Variants in EXOC6B observed in about 807,000 individuals in gnomAD.
The protein encoded by EXOC6B is SEC15 homolog B.
A neutral mutation model predicts 113.5 loss-of-function variants in EXOC6B; 54 were observed. That is an observed-to-expected ratio of 0.48 (90% confidence interval 0.38 to 0.60). The LOEUF is 0.60. EXOC6B is among the 20% of genes least tolerant of loss of function. The pLI is 0.00. For missense variants in EXOC6B, 797 were observed against 977.5 expected (o/e 0.82, Z 2.46); for synonymous variants, 357 against 339.0 (o/e 1.05, Z -0.58).
intron 6 of EXOC6B, among the ~76,000 whole-genome samples, chr2:72,683,570 AAC>A (rs1170972990): frequency 2.0e-5 from 3 of 152,232 alleles, no homozygotes; most frequent in Non-Finnish European, 4.4e-5. Context: ...ACAAAATGTT[AAC>A]AGTGGCAATC....
chr2:72,480,528 C>A, intron 17 of EXOC6B, 88 bp downstream of exon 17: 2 of 1,192,836 alleles, frequency 1.7e-6, no homozygotes, highest in South Asian at 2.1e-5. Flanking sequence ...TGTTATAAAC[C>A]ATCTTACAGA....
At chr2:72,312,757 A>G (rs971790458) in intron 20 of EXOC6B, among the ~76,000 whole-genome samples, 1 of 150,986 alleles carries the variant, frequency 6.6e-6, no homozygotes, top group Non-Finnish European at 1.5e-5. Context: ...CTTTGTCTCA[A>G]AAAACAACAA....
chr2:72,288,961 A>G, intron 20 of EXOC6B: 1 of 235,782 alleles, frequency 4.2e-6, no homozygotes, highest in East Asian at 1.1e-4. Flanking sequence ...TATCAGCCCC[A>G]GATTTGCTGT....
At chr2:72,374,987 C>T (rs1479387406) in intron 19 of EXOC6B, among the ~76,000 whole-genome samples, 1 of 151,538 alleles carries the variant, frequency 6.6e-6, no homozygotes, top group Non-Finnish European at 1.5e-5. Flanking sequence ...TATACTTATG[C>T]AAACACAAGG....
At chr2:72,780,823 C>T (rs1683990332) in intron 1 of EXOC6B, among the ~76,000 whole-genome samples, 1 of 152,108 alleles carries the variant, frequency 6.6e-6, no homozygotes, top group Admixed American at 6.6e-5. Flanking sequence ...GGTATTTCCT[C>T]CCCGTGTAAT....
chr2:72,502,757 CTTTTA>C (rs1171566858), intron 11 of EXOC6B, among the ~76,000 whole-genome samples: 2 of 152,110 alleles, frequency 1.3e-5, no homozygotes, highest in South Asian at 2.1e-4. Flanking sequence ...ATTTCCCCTT[CTTTTA>C]TTTTATTACT....
chr2:72,503,268 T>C (rs993224502), intron 11 of EXOC6B, among the ~76,000 whole-genome samples: 1 of 152,200 alleles, frequency 6.6e-6, no homozygotes, highest in African/African-American at 2.4e-5. Context: ...TTAACATACA[T>C]AAATTGATAT....
chr2:72,800,490 C>T (rs1035567141), intron 1 of EXOC6B, among the ~76,000 whole-genome samples: 2 of 152,056 alleles, frequency 1.3e-5, no homozygotes, highest in Admixed American at 6.5e-5. Context: ...AAAAATGTTT[C>T]TTTTTATACT....
chr2:72,405,856 T>C (rs528888514), intron 18 of EXOC6B, among the ~76,000 whole-genome samples: 86 of 152,238 alleles, frequency 5.6e-4, no homozygotes, highest in African/African-American at 2.0e-3. Context: ...ATAACAATAT[T>C]AACCTTAAAT....
chr2:72,462,422 A>G (rs2105405631), intron 18 of EXOC6B: 1 of 152,250 alleles, frequency 6.6e-6, no homozygotes, highest in East Asian at 1.9e-4. Flanking sequence ...GAGCCTTGCC[A>G]AAATTCATAT....
At chr2:72,254,274 T>C (rs962605463) in intron 20 of EXOC6B, among the ~76,000 whole-genome samples, 1 of 152,166 alleles carries the variant, frequency 6.6e-6, no homozygotes, top group Non-Finnish European at 1.5e-5. Context: ...CTGAACCCAA[T>C]GATGGGTATC....
chr2:72,595,399 G>A (rs909970506), intron 6 of EXOC6B, among the ~76,000 whole-genome samples: 1 of 148,892 alleles, frequency 6.7e-6, no homozygotes, highest in African/African-American at 2.4e-5. Context: ...AAAAATAATT[G>A]TATTAAAATA....
chr2:72,460,632 G>C (rs1697570896), intron 18 of EXOC6B, among the ~76,000 whole-genome samples: 2 of 152,202 alleles, frequency 1.3e-5, no homozygotes, highest in South Asian at 4.1e-4. Flanking sequence ...GGTCATCAAA[G>C]AAATGCAAAT....
intron 5 of EXOC6B, among the ~76,000 whole-genome samples, chr2:72,727,454 A>C (rs1329260991): frequency 6.6e-6 from 1 of 152,204 alleles, no homozygotes; most frequent in African/African-American, 2.4e-5. Context: ...AAAAGACTAA[A>C]GAGACATGAC....
intron 17 of EXOC6B, among the ~76,000 whole-genome samples, chr2:72,469,315 A>G (rs1296697358): frequency 6.6e-6 from 1 of 151,762 alleles, no homozygotes; most frequent in Non-Finnish European, 1.5e-5. Flanking sequence ...TCTAATTTTC[A>G]TTATTGGTAT....
At chr2:72,617,417 AGG>A (rs1671456168) in intron 6 of EXOC6B, among the ~76,000 whole-genome samples, 1 of 151,470 alleles carries the variant, frequency 6.6e-6, no homozygotes, top group East Asian at 1.9e-4. Context: ...GTTCTCCATG[AGG>A]GACCCACCCC....
chr2:72,490,938 G>T (rs1311412017), intron 16 of EXOC6B, among the ~76,000 whole-genome samples: 2 of 152,108 alleles, frequency 1.3e-5, no homozygotes, highest in African/African-American at 4.8e-5. Flanking sequence ...TTAAGAGACT[G>T]CTAAATTAAA....
At chr2:72,792,844 T>G (rs1470955919) in intron 1 of EXOC6B, among the ~76,000 whole-genome samples, 4 of 152,194 alleles carry the variant, frequency 2.6e-5, no homozygotes, top group Non-Finnish European at 5.9e-5. Flanking sequence ...GTAACCACTT[T>G]CTTATTCTCC....
intron 6 of EXOC6B, among the ~76,000 whole-genome samples, chr2:72,675,004 C>G (rs1050089736): frequency 6.6e-6 from 1 of 152,116 alleles, no homozygotes; most frequent in African/African-American, 2.4e-5. Context: ...TATTTTTAGG[C>G]TAATACTAAA....
Sources: allele counts gnomAD v4.1 joint callset (sites outside exome capture counted in the v4.1 genomes callset), GRCh38; gene constraint gnomAD v4.1.1; transcripts MANE v1.5; gene names NCBI Gene and HGNC (gene_info 2026-07-23, HGNC 2026-07-21).